ARL5A: variants seen among roughly 807,000 people sequenced by gnomAD.
The protein encoded by ARL5A is ADP-ribosylation factor-like protein 5A.
In ARL5A, 18 loss-of-function variants were observed where a neutral mutation model predicts 25.9. That is an observed-to-expected ratio of 0.69 (90% CI 0.48 to 1.03). The LOEUF is 1.03. Among genes scored for constraint, ARL5A ranks in the 50% least tolerant of loss-of-function variants. The probability of loss-of-function intolerance (pLI) is 0.00; values close to 1 mark genes in which losing one functional copy is unlikely to be tolerated. For missense variants in ARL5A, 170 were observed against 211.9 expected, an observed-to-expected ratio of 0.80 and a Z score of 1.23; for synonymous variants, 61 against 67.5, an observed-to-expected ratio of 0.90 and a Z score of 0.47.
chr2:151,816,394 A>T (rs746263444), intron 1 of ARL5A, among the ~76,000 whole-genome samples: 6 of 152,084 alleles, frequency 3.9e-5, no homozygotes, highest in Non-Finnish European at 7.4e-5. Context: ...ACCAAAGGAG[A>T]CTCCCCAAGG....
intron 4 of ARL5A, among the ~76,000 whole-genome samples, chr2:151,809,625 T>C (rs909209215): frequency 3.9e-5 from 6 of 152,348 alleles, no homozygotes; most frequent in Middle Eastern, 3.4e-3. Context: ...TGAACAACGG[T>C]GATCTTTTGT....
chr2:151,811,029 G>A (rs1329459543), intron 4 of ARL5A, among the ~76,000 whole-genome samples: 2 of 151,980 alleles, frequency 1.3e-5, no homozygotes, highest in East Asian at 1.9e-4. Flanking sequence ...TGAATCTGGC[G>A]AATGAACACA....
intron 1 of ARL5A, among the ~76,000 whole-genome samples, chr2:151,816,738 A>G (rs551269832): frequency 9.8e-5 from 15 of 152,310 alleles, no homozygotes; most frequent in African/African-American, 3.6e-4. Context: ...CTGTACTTCA[A>G]AGTTTGAATT....
intron 1 of ARL5A, among the ~76,000 whole-genome samples, chr2:151,818,865 T>C (rs934637861): frequency 7.2e-5 from 11 of 152,218 alleles, no homozygotes; most frequent in Non-Finnish European, 1.5e-4. Flanking sequence ...AGAATACTGA[T>C]TTTTAATCAC....
At chr2:151,824,371 T>G (rs1050388717) in intron 1 of ARL5A, among the ~76,000 whole-genome samples, 6 of 152,142 alleles carry the variant, frequency 3.9e-5, no homozygotes, top group Non-Finnish European at 8.8e-5. Context: ...CTATCACAAA[T>G]TATCAACTAT....
intron 5 of ARL5A, among the ~76,000 whole-genome samples, chr2:151,804,445 T>C (rs1228449214): frequency 6.6e-6 from 1 of 152,184 alleles, no homozygotes; most frequent in African/African-American, 2.4e-5. Context: ...TTTTTTTCAA[T>C]TCAGAGTTTT....
At chr2:151,805,538 G>T (rs931373986) in intron 5 of ARL5A, among the ~76,000 whole-genome samples, 1 of 152,162 alleles carries the variant, frequency 6.6e-6, no homozygotes, top group Non-Finnish European at 1.5e-5. Context: ...TCTGAGAAAT[G>T]TGTCAGGTGA....
At chr2:151,803,600 T>A (rs537815363) in intron 5 of ARL5A, among the ~76,000 whole-genome samples, 1 of 152,284 alleles carries the variant, frequency 6.6e-6, no homozygotes, top group African/African-American at 2.4e-5. Flanking sequence ...CGTGACCTCC[T>A]GGGCTCAAGC....
intron 4 of ARL5A, among the ~76,000 whole-genome samples, chr2:151,808,522 A>T (rs2099830393): frequency 6.6e-6 from 1 of 152,226 alleles, no homozygotes; most frequent in Non-Finnish European, 1.5e-5. Context: ...GATGGCAGCT[A>T]TTAATGCTAC....
Position 151,801,812 on chromosome 2 carries a change from TGA to T in ARL5A, c.*1462_*1463del, listed in dbSNP as rs1186273421. ...TTTTTCTCAAATATGCTAAAACATGTGAGTTTGGATTAACCTTCAGATTTTCA... is the reference window on the plus strand; with the variant it reads ...TTTTTCTCAAATATGCTAAAACATGTGTTTGGATTAACCTTCAGATTTTCA... On this transcript the variant is annotated 3_prime_UTR_variant, in exon 6 of 6. Transcript: ENST00000295087. 1 of 152,054 alleles carries T rather than the reference TGA, an allele frequency of 6.6e-6. No homozygotes were observed. The highest frequency in any genetic ancestry group is 1.5e-5 in the Non-Finnish European group (1 of 67,938). 9.4% of individuals were successfully genotyped at this position (152,054 alleles called of 1,614,324 possible).
intron 5 of ARL5A, among the ~76,000 whole-genome samples, chr2:151,804,276 T>C (rs907629188): frequency 2.6e-5 from 4 of 152,210 alleles, no homozygotes; most frequent in East Asian, 3.9e-4. Flanking sequence ...ACCCAAAATA[T>C]AGAAAACGAT....
At chr2:151,820,746 T>C (rs964154219) in intron 1 of ARL5A, among the ~76,000 whole-genome samples, 3 of 138,628 alleles carry the variant, frequency 2.2e-5, no homozygotes, top group Non-Finnish European at 3.1e-5. Flanking sequence ...TCGGAGACAG[T>C]GATAAGAAAG....
chr2:151,805,919 C>T (rs2151291793), intron 5 of ARL5A, among the ~76,000 whole-genome samples: 1 of 152,166 alleles, frequency 6.6e-6, no homozygotes, highest in East Asian at 1.9e-4. Flanking sequence ...AGCTTTTTAT[C>T]CTATTTCCAA....
intron 4 of ARL5A, 143 bp downstream of exon 4, chr2:151,812,213 CA>C (rs2099830938): frequency 1.4e-5 from 7 of 488,224 alleles, no homozygotes; most frequent in Non-Finnish European, 2.1e-5. Context: ...TGGGAGATGT[CA>C]GAGTAATTGA....
rs1351336055 is a variant in ARL5A at position 151,806,896 on chromosome 2, G to A, written c.416C>T (p.Ser139Phe). ...AATAGAAGTTAGCTTCAAAAACTGGGAGATTTCTGCTACAGTCATGCATTC... is the reference window on the plus strand; with the variant it reads ...AATAGAAGTTAGCTTCAAAAACTGGAAGATTTCTGCTACAGTCATGCATTC... ...VKECMTVAEISQFLKLTSIKD... is the reference protein window; with the variant it reads ...VKECMTVAEIFQFLKLTSIKD... The change falls in exon 5 of 6, where the codon TCC becomes TTC. Residue 139 changes from serine (S) to phenylalanine (F), a missense_variant. Transcript: ENST00000295087. 1 of 1,613,454 alleles carries A rather than the reference G, an allele frequency of 6.2e-7. No homozygotes were observed. The highest frequency in any genetic ancestry group is 8.5e-7 in the Non-Finnish European group (1 of 1,179,708).
At chr2:151,824,088 T>G (rs997556328) in intron 1 of ARL5A, among the ~76,000 whole-genome samples, 4 of 152,234 alleles carry the variant, frequency 2.6e-5, no homozygotes, top group African/African-American at 9.6e-5. Context: ...GGTCTCTGAC[T>G]TGTGATGTTG....
At chr2:151,823,419 A>G (rs1056834376) in intron 1 of ARL5A, among the ~76,000 whole-genome samples, 1 of 152,158 alleles carries the variant, frequency 6.6e-6, no homozygotes, top group African/African-American at 2.4e-5. Context: ...TTTCTTTTGC[A>G]CTATGAGGTT....
chr2:151,821,789 C>T (rs141214240), intron 1 of ARL5A, among the ~76,000 whole-genome samples: 1,303 of 90,002 alleles, frequency 0.014, 18 homozygotes, highest in Middle Eastern at 0.03. Flanking sequence ...TTTTTTTTTT[C>T]TTTTTTTTTT....
chr2:151,808,949 G>A (rs2099830465), intron 4 of ARL5A, among the ~76,000 whole-genome samples: 1 of 152,226 alleles, frequency 6.6e-6, no homozygotes, highest in Admixed American at 6.5e-5. Flanking sequence ...TTGGGAGGCT[G>A]AGGGATGAGA....
Sources: gnomAD v4.1 joint callset for allele counts (sites outside exome capture counted in the v4.1 genomes callset) on GRCh38, gnomAD v4.1.1 for gene constraint, MANE v1.5 for transcripts, NCBI Gene and HGNC (gene_info 2026-07-23, HGNC 2026-07-21) for gene names.